Variants in CERS4 observed in about 807,000 individuals in gnomAD.
CERS4 encodes the protein LAG1 homolog, ceramide synthase 4.
In CERS4, 65 loss-of-function variants were observed where a neutral mutation model predicts 51.8. The observed-to-expected ratio is 1.26, with a 90% CI of 1.03 to 1.54. CERS4 has a LOEUF of 1.54. Ranked by LOEUF, CERS4 falls within the 40% of genes most tolerant of loss-of-function variation. The pLI is 0.00. For synonymous variants in CERS4, 228 were observed against 208.4 expected (o/e 1.09, Z -0.81); for missense variants, 563 against 500.4 (o/e 1.13, Z -1.19).
chr19:8,257,885 A>G lies in CERS4; in HGVS notation c.748A>G (p.Lys250Glu). Reference sequence around the variant, plus strand: ...TCCCTGCTGCCCTTTCCAGGCCTGTAAGATGGTCAACTACATGCAGTATCA... The same window carrying G: ...TCCCTGCTGCCCTTTCCAGGCCTGTGAGATGGTCAACTACATGCAGTATCA... Reference protein sequence around the residue: ...DSSDYLLEACKMVNYMQYQQV... With the variant: ...DSSDYLLEACEMVNYMQYQQV... Residue 250 changes from lysine to glutamate, a missense_variant, in exon 10 of 12, where the codon AAG becomes GAG. Coordinates refer to ENST00000251363, the MANE Select transcript of CERS4 (RefSeq NM_024552.3). The G allele has an allele frequency of 6.2e-7, 1 of 1,613,498 alleles. No homozygotes were observed. Among genetic ancestry groups the G allele is most frequent in the Non-Finnish European group, 8.5e-7 (1 of 1,179,736 alleles).
chr19:8,245,399 T>A (rs1409225274), intron 2 of CERS4, among the ~76,000 whole-genome samples: 1 of 151,984 alleles, frequency 6.6e-6, no homozygotes, highest in African/African-American at 2.4e-5. Flanking sequence ...TATGGCCACA[T>A]GCCACCTTGC....
At position 8,256,222 on chromosome 19, in the gene CERS4, C is replaced by A. The variant is rs1465117846; in HGVS notation, c.469-14C>A. The A allele has an allele frequency of 1.2e-6, 2 of 1,609,670 alleles. No homozygotes were observed. The highest frequency in any genetic ancestry group is 1.7e-4 in the Middle Eastern group (1 of 6,056). ...TTCTCACCTCTGCACAGCCTGACAC[C>A]CATTTCCCTGCAGGAGTCATGGCTG... On this transcript the variant is annotated splice_polypyrimidine_tract_variant and intron_variant, in intron 6 of 11. Transcript: ENST00000251363.
At position 8,237,351 on chromosome 19, in the gene CERS4, A is replaced by G. The variant is rs542004678; in HGVS notation, c.-1-13725A>G. Among the ~76,000 whole-genome samples the G allele has an allele frequency of 1.5e-3, 233 of 152,152 alleles. 1 individual carries two copies. The highest frequency in any genetic ancestry group is 5.4e-3 in the African/African-American group (225 of 41,494). On this transcript the variant is annotated intron_variant, in intron 2 of 11. Coordinates refer to ENST00000251363, the MANE Select transcript of CERS4 (RefSeq NM_024552.3). ...CAGACCACCTGAGGTCAGGATTTCA[A>G]GACCAGCCTGGCCAACATTGTGAAA...
chr19:8,234,590 A>G (rs1035257584), intron 2 of CERS4, among the ~76,000 whole-genome samples: 6 of 110,224 alleles, frequency 5.4e-5, no homozygotes, highest in African/African-American at 7.3e-5. Flanking sequence ...GTCTTGCTCT[A>G]TCCCCCAGGC....
intron 2 of CERS4, among the ~76,000 whole-genome samples, chr19:8,237,903 CT>C (rs1304791973): frequency 6.6e-6 from 1 of 152,128 alleles, no homozygotes; most frequent in Non-Finnish European, 1.5e-5. Context: ...CGTACAGCTT[CT>C]TGCCTGTTGA....
intron 2 of CERS4, among the ~76,000 whole-genome samples, chr19:8,227,287 G>A (rs1005978569): frequency 6.6e-6 from 1 of 151,998 alleles, no homozygotes; most frequent in African/African-American, 2.4e-5. Context: ...TATTTAAAAA[G>A]TCACCCTTAA....
chr19:8,245,122 A>AACAAAACAAACAAAAACAAAAAAAC lies in CERS4; in HGVS notation c.-1-5953_-1-5952insCAAAACAAACAAAAACAAAAAAACA, dbSNP rs1555777238. On this transcript the variant is annotated intron_variant, in intron 2 of 11. Transcript: ENST00000251363. ...GCGAGACTCCATCTCAAAAAAAAAA[A>AACAAAACAAACAAAAACAAAAAAAC]AAAAAAAAAAAAACACTCTTGGCTT... is the stretch of plus-strand genomic sequence containing the variant. Among the ~76,000 whole-genome samples, 571 of 129,268 alleles carry AACAAAACAAACAAAAACAAAAAAAC rather than the reference A, an allele frequency of 4.4e-3. 9 individuals carry two copies. The highest frequency in any genetic ancestry group is 7.2e-3 in the South Asian group (30 of 4,164). The allele number at this position is 129,268 out of a possible 152,430, so 84.8% of individuals were successfully genotyped here.
intron 2 of CERS4, among the ~76,000 whole-genome samples, chr19:8,239,825 A>T (rs1968449023): frequency 6.6e-6 from 1 of 151,966 alleles, no homozygotes; most frequent in African/African-American, 2.4e-5. Flanking sequence ...TGTCTATTCT[A>T]CTCATTCATC....
rs760751113 is a variant in CERS4 at position 8,257,940 on chromosome 19, TCTC to T, written c.806_808del (p.Ser269del). Reference sequence around the variant, plus strand: ...GTGTGCGACGCTCTCTTCCTCATCTTCTCCTTTGTCTTCTTCTACACCCGACTG... The same window carrying T: ...GTGTGCGACGCTCTCTTCCTCATCTTCTTTGTCTTCTTCTACACCCGACTG... On this transcript the variant is annotated inframe_deletion, in exon 10 of 12. Transcript: ENST00000251363. 4.2e-5 allele frequency: 67 copies of T among 1,613,850 alleles called. No homozygotes were observed. The East Asian group carries it at 4.7e-4, about 11-fold the overall frequency.
intron 3 of CERS4, 46 bp from the exon 4 acceptor site, chr19:8,254,453 C>G: frequency 6.3e-7 from 1 of 1,579,404 alleles, no homozygotes; most frequent in Non-Finnish European, 8.7e-7. Context: ...ACAGGCAGTC[C>G]CATCTCTTCA....
rs965356414 is a variant in CERS4 at position 8,210,334 on chromosome 19, C to T, written c.-158-372C>T. Among the ~76,000 whole-genome samples the T allele has an allele frequency of 2.0e-5, 3 of 152,144 alleles. No individual in the cohort carries two copies. The highest frequency in any genetic ancestry group is 4.4e-5 in the Non-Finnish European group (3 of 68,028). ...TGGGTGAACTGAAAATTCGCTTTGG[C>T]AGAGTAACATCGTCTAATTCTGTCT... On this transcript the variant is annotated intron_variant, in intron 1 of 11. Transcript: ENST00000251363. The surrounding 1 kb of genome is among the most constrained non-coding windows in gnomAD (Gnocchi z 4.2).
In CERS4 at chr19:8,262,136, G is replaced by A. The variant is rs878862385; in HGVS notation, c.*27G>A. ...CGGGCGGGGCTGGCTGTAAGGGGTT[G>A]CCCCCCCGCCAGTGCCTTGGATATT... On this transcript the variant is annotated 3_prime_UTR_variant, in exon 12 of 12. Transcript: ENST00000251363. 1.4e-6 allele frequency: 2 copies of A among 1,428,260 alleles called. No individual in the cohort carries two copies. The highest frequency in any genetic ancestry group is 3.1e-5 in the South Asian group (2 of 65,502). The allele number at this position is 1,428,260 out of a possible 1,614,324, so 88.5% of individuals were successfully genotyped here. A position where few individuals can be genotyped will look rare whatever the true frequency, so the allele number is the denominator to read the frequency against.
At position 8,254,623 on chromosome 19, in the gene CERS4, G is replaced by C; in HGVS notation, c.291+7G>C. On this transcript the variant is annotated splice_region_variant and intron_variant, in intron 4 of 11. Transcript: ENST00000251363. ...AGGGCACAGGCCCAAGGAGGTGAGAGCCCCCCATGCCCTCCGACCCGCACT... is the reference window on the plus strand; with the variant it reads ...AGGGCACAGGCCCAAGGAGGTGAGACCCCCCCATGCCCTCCGACCCGCACT... 18 of 1,598,326 alleles carry C rather than the reference G, an allele frequency of 1.1e-5. No individual in the cohort carries two copies. Among genetic ancestry groups the C allele is most frequent in the Non-Finnish European group, 1.4e-5 (17 of 1,172,678 alleles).
chr19:8,254,660 G>C, intron 4 of CERS4, 44 bp downstream of exon 4: 1 of 1,530,474 alleles, frequency 6.5e-7, no homozygotes, highest in Non-Finnish European at 8.9e-7. Context: ...CTGCCCTGGG[G>C]GTGGGGCGTG....
chr19:8,248,144 G>C (rs1361742026), intron 2 of CERS4, among the ~76,000 whole-genome samples: 1 of 152,144 alleles, frequency 6.6e-6, no homozygotes. Flanking sequence ...GTTATACTTT[G>C]GCATCTCATT....
intron 3 of CERS4, 38 bp from the exon 4 acceptor site, chr19:8,254,459 CTT>C: frequency 6.3e-7 from 1 of 1,598,280 alleles, no homozygotes. Context: ...AGTCCCATCT[CTT>C]CACCTGGGCT....
At chr19:8,232,064 A>G (rs1968035589) in intron 2 of CERS4, among the ~76,000 whole-genome samples, 2 of 151,196 alleles carry the variant, frequency 1.3e-5, no homozygotes, top group African/African-American at 4.9e-5. Flanking sequence ...TCCTAGCCTC[A>G]AGTAATCCTC....
intron 3 of CERS4, among the ~76,000 whole-genome samples, chr19:8,253,921 T>C (rs1168968693): frequency 1.3e-5 from 2 of 151,916 alleles, no homozygotes; most frequent in East Asian, 3.9e-4. Context: ...AGGCCACCCC[T>C]CCAGGGCCCC....
intron 1 of CERS4, chr19:8,209,746 G>A (rs1181326534): frequency 6.6e-6 from 1 of 152,306 alleles, no homozygotes; most frequent in African/African-American, 2.4e-5. Context: ...ACGGGCTGGA[G>A]CGAGTAGGGG....
Sources: allele counts gnomAD v4.1 joint callset (sites outside exome capture counted in the v4.1 genomes callset), GRCh38; gene constraint gnomAD v4.1.1; non-coding constraint Gnocchi (gnomAD v3.1); transcripts MANE v1.5; gene names NCBI Gene and HGNC (gene_info 2026-07-23, HGNC 2026-07-21).